The following CHRNB4 variants were observed in gnomAD, a reference collection of about 807,000 sequenced individuals.
CHRNB4 encodes neuronal acetylcholine receptor subunit beta-4.
In CHRNB4, 23 loss-of-function variants were observed where a neutral mutation model predicts 40.4. That is an observed-to-expected ratio of 0.57 (90% CI 0.41 to 0.81). CHRNB4 has a LOEUF of 0.81. Ranked by LOEUF, CHRNB4 falls within the 30% of genes least tolerant of loss-of-function variation. The pLI, the probability that CHRNB4 is intolerant of heterozygous loss-of-function variation, is 0.00. For synonymous variants in CHRNB4, 285 were observed against 274.4 expected (o/e 1.04, Z -0.38); for missense variants, 568 against 670.6 (o/e 0.85, Z 1.69).
chr15:78,634,181 G>A (rs2053895553), intron 2 of CHRNB4, among the ~76,000 whole-genome samples: 1 of 152,164 alleles, frequency 6.6e-6, no homozygotes, highest in Non-Finnish European at 1.5e-5. Flanking sequence ...ATGGGTGGGG[G>A]CTGGTGGCCG....
At chr15:78,626,337 C>CGGG (rs1435066888) in intron 5 of CHRNB4, 11 of 109,436 alleles carry the variant, frequency 1.0e-4, no homozygotes, top group African/African-American at 3.7e-4. Flanking sequence ...TAATTTCAAG[C>CGGG]GGGGGTGTGT....
At position 78,635,442 on chromosome 15, in the gene CHRNB4, G is replaced by A. The variant is rs780653556; in HGVS notation, c.201C>T (p.Ser67=). ...KLQLSLAQLI[S]VNEREQIMTT... ...CACAGCTGCCCTCTGCACCTACCAC[G>A]CTGATAAGCTGGGCCAGGGAGAGCT... The change falls in exon 2 of 6, where the codon AGC becomes AGT. Residue 67 remains serine (S), a synonymous_variant. Transcript: ENST00000261751. The A allele has an allele frequency of 1.2e-5, 19 of 1,613,616 alleles. No individual in the cohort carries two copies. Among genetic ancestry groups the A allele is most frequent in the African/African-American group, 5.3e-5 (4 of 74,934 alleles).
rs781181657 is a variant in CHRNB4 at position 78,656,846 on chromosome 15, G to A, written c.-708-156C>T. Among the ~76,000 whole-genome samples the A allele has an allele frequency of 5.3e-5, 8 of 152,212 alleles. No individual in the cohort carries two copies. The South Asian group carries it at 8.3e-4, about 16-fold the overall frequency. On this transcript the variant is annotated intron_variant and NMD_transcript_variant, in intron 3 of 11. Transcript: ENST00000559849. ...GCAGATCCTGCAGTGGGAAAAGATC[G>A]AAGGCCCTGGGCCCTCTTATTCTAC...
chr15:78,657,654 C>A (rs112059258), intron 2 of CHRNB4, among the ~76,000 whole-genome samples: 7,244 of 112,930 alleles, frequency 0.064, 267 homozygotes, highest in Non-Finnish European at 0.1. Context: ...CCCGGGTTCA[C>A]GCCATTCTCC....
chr15:78,626,381 TGTG>T (rs780041002), intron 5 of CHRNB4: 3,235 of 81,760 alleles, frequency 0.04, 140 homozygotes, highest in East Asian at 0.25. Flanking sequence ...TGTGTGTGTG[TGTG>T]TTTCCCCCTT....
intron 7 of CHRNB4, among the ~76,000 whole-genome samples, chr15:78,648,436 C>T (rs1175932883): frequency 1.4e-5 from 2 of 146,912 alleles, no homozygotes; most frequent in African/African-American, 2.5e-5. Context: ...GGGGGTGAAT[C>T]TGTTCCTTCT....
chr15:78,629,985 T>A lies in CHRNB4; in HGVS notation c.360-40A>T, dbSNP rs376596110. The A allele has an allele frequency of 2.6e-5, 40 of 1,512,390 alleles. No individual in the cohort carries two copies. Among genetic ancestry groups the A allele is most frequent in the Non-Finnish European group, 3.5e-5 (40 of 1,139,136 alleles). 93.7% of individuals were successfully genotyped at this position (1,512,390 alleles called of 1,614,324 possible). On this transcript the variant is annotated intron_variant, in intron 4 of 5. Transcript: ENST00000261751. The surrounding 1 kb of genome is among the most constrained non-coding windows in gnomAD (Gnocchi z 6.8). Reference sequence around the variant, plus strand: ...GGCATGGAGAACATCGTGAAACCCATACACAAAACCTGGCCTGTTCTCAGA... The same window carrying A: ...GGCATGGAGAACATCGTGAAACCCAAACACAAAACCTGGCCTGTTCTCAGA...
At chr15:78,631,207 T>C (rs2053801807) in intron 3 of CHRNB4, 22 bp from the exon 4 acceptor site, 2 of 1,613,336 alleles carry the variant, frequency 1.2e-6, no homozygotes, top group Non-Finnish European at 1.7e-6. Context: ...GGCAAGGCCC[T>C]GTCACTTGCA....
At chr15:78,636,189 G>C (rs1352524198) in intron 1 of CHRNB4, among the ~76,000 whole-genome samples, 2 of 152,144 alleles carry the variant, frequency 1.3e-5, no homozygotes, top group Non-Finnish European at 2.9e-5. Context: ...TTACAGGTGT[G>C]AGCCACCATT....
chr15:78,651,188 G>A (rs898678464), intron 6 of CHRNB4, among the ~76,000 whole-genome samples: 13 of 152,142 alleles, frequency 8.5e-5, no homozygotes, highest in African/African-American at 3.1e-4. Context: ...CTATAAAGCA[G>A]CCAGTGAAGG....
Position 78,631,345 on chromosome 15 carries a change from A to G in CHRNB4, c.205-13T>C. ...GCTCTCGCTCATTCTGGGGAGGGAA[A>G]CGGGGCTATCAGTTCACCAGGAAGG... is the stretch of plus-strand genomic sequence containing the variant. On this transcript the variant is annotated splice_polypyrimidine_tract_variant and intron_variant, in intron 2 of 5. Coordinates refer to ENST00000261751, the MANE Select transcript of CHRNB4 (RefSeq NM_000750.5). 6.2e-7 allele frequency: 1 copy of G among 1,613,056 alleles called. No individual in the cohort carries two copies. Among genetic ancestry groups the G allele is most frequent in the Middle Eastern group, 1.8e-4 (1 of 5,482 alleles).
rs561246490 is a variant in CHRNB4 at position 78,653,804 on chromosome 15, T to C, written c.-109-1133A>G. 5.9e-5 allele frequency among the ~76,000 whole-genome samples: 9 copies of C among 152,328 alleles called. No individual in the cohort carries two copies. In the East Asian group the frequency reaches 1.5e-3, roughly 26 times the overall value. On this transcript the variant is annotated intron_variant and NMD_transcript_variant, in intron 5 of 11. Transcript: ENST00000559849. ...CTTTGTTAGATCTGGCATGGCAATC[T>C]GAAGTCTTCCCCTGCCCAATCCAGC...
At chr15:78,634,949 C>T (rs1485965492) in intron 2 of CHRNB4, among the ~76,000 whole-genome samples, 1 of 152,194 alleles carries the variant, frequency 6.6e-6, no homozygotes, top group Non-Finnish European at 1.5e-5. Context: ...CAGCCACGCC[C>T]ACTGTCCATC....
At chr15:78,636,611 C>T (rs1276186110) in intron 1 of CHRNB4, among the ~76,000 whole-genome samples, 4 of 151,176 alleles carry the variant, frequency 2.6e-5, no homozygotes, top group African/African-American at 9.7e-5. Context: ...CCTGTTTTTT[C>T]CTTTTTTTTT....
chr15:78,644,986 C>A (rs1435904492), upstream of CHRNB4, among the ~76,000 whole-genome samples: 2 of 152,156 alleles, frequency 1.3e-5, no homozygotes, highest in Non-Finnish European at 2.9e-5. Context: ...ACAGCTGAGG[C>A]CTTGCTGATC....
chr15:78,634,414 C>A (rs867860131), intron 2 of CHRNB4, among the ~76,000 whole-genome samples: 2 of 152,236 alleles, frequency 1.3e-5, no homozygotes, highest in African/African-American at 4.8e-5. Flanking sequence ...TGAAAGCCCT[C>A]CTTCCTTCTG....
At chr15:78,631,456 T>G in intron 2 of CHRNB4, 124 bp from the exon 3 acceptor site, 103 of 835,400 alleles carry the variant, frequency 1.2e-4, no homozygotes, top group Non-Finnish European at 1.4e-4. Flanking sequence ...CCAACATCTC[T>G]TGGATGGCCC....
chr15:78,637,080 T>C (rs2053967069), intron 1 of CHRNB4, among the ~76,000 whole-genome samples: 1 of 152,200 alleles, frequency 6.6e-6, no homozygotes, highest in South Asian at 2.1e-4. Flanking sequence ...GGGGTCCAGC[T>C]GGCAGCTGGC....
chr15:78,661,290 G>A (rs548082513), upstream of CHRNB4: 17 of 598,482 alleles, frequency 2.8e-5, no homozygotes, highest in Middle Eastern at 5.1e-4. Flanking sequence ...GCGGCAGCCC[G>A]GCTGGTCACA....
Sources: gnomAD v4.1 joint callset for allele counts (sites outside exome capture counted in the v4.1 genomes callset) on GRCh38, gnomAD v4.1.1 for gene constraint, Gnocchi (gnomAD v3.1) non-coding constraint, MANE v1.5 for transcripts, NCBI Gene and HGNC (gene_info 2026-07-23, HGNC 2026-07-21) for gene names.